The following POFUT3 variants were observed in gnomAD, a reference collection of about 807,000 sequenced individuals.
POFUT3 encodes GDP-fucose protein O-fucosyltransferase 3.
the POFUT3 span, among the ~76,000 whole-genome samples, chr8:33,331,106 G>A: frequency 6.6e-6 from 1 of 152,198 alleles, no homozygotes; most frequent in Non-Finnish European, 1.5e-5. Context: ...TTGGGATGCC[G>A]AGGCAGGTGG....
chr8:33,461,541 A>C, the POFUT3 span: 1 of 1,598,944 alleles, frequency 6.3e-7, no homozygotes, highest in Non-Finnish European at 8.5e-7. Context: ...CTTCACATGG[A>C]AGAACCATCT....
the POFUT3 span, among the ~76,000 whole-genome samples, chr8:33,411,855 G>A: frequency 1.2e-4 from 19 of 152,072 alleles, no homozygotes; most frequent in Admixed American, 6.6e-5. Flanking sequence ...TCTACAACAC[G>A]GTCTTAGGAC....
chr8:33,456,626 T>C, the POFUT3 span, among the ~76,000 whole-genome samples: 39 of 152,190 alleles, frequency 2.6e-4, no homozygotes, highest in Non-Finnish European at 2.5e-4. Context: ...GTAGGAAATA[T>C]GGCAGAATAA....
At chr8:33,389,137 C>T in the POFUT3 span, 1 of 1,614,182 alleles carries the variant, frequency 6.2e-7, no homozygotes, top group Admixed American at 1.7e-5. Context: ...AGGCCTCATA[C>T]AATCTGTCAT....
At chr8:33,387,090 G>T in the POFUT3 span, among the ~76,000 whole-genome samples, 3 of 151,724 alleles carry the variant, frequency 2.0e-5, no homozygotes, top group Non-Finnish European at 2.9e-5. Flanking sequence ...CACATGGGTG[G>T]GTGTGTGTGT....
the POFUT3 span, among the ~76,000 whole-genome samples, chr8:33,395,325 G>A: frequency 6.6e-6 from 1 of 152,278 alleles, no homozygotes; most frequent in Non-Finnish European, 1.5e-5. Flanking sequence ...GCAGAGCGGT[G>A]TGGCAGAAAA....
At chr8:33,335,356 A>C in the POFUT3 span, among the ~76,000 whole-genome samples, 1 of 152,186 alleles carries the variant, frequency 6.6e-6, no homozygotes, top group Non-Finnish European at 1.5e-5. Flanking sequence ...TGTTTTGACA[A>C]ACAGACTATG....
the POFUT3 span, among the ~76,000 whole-genome samples, chr8:33,347,441 T>A: frequency 6.6e-6 from 1 of 152,238 alleles, no homozygotes; most frequent in Non-Finnish European, 1.5e-5. Flanking sequence ...ACACGATGCA[T>A]TGAATTTGAG....
At chr8:33,434,806 C>T in the POFUT3 span, among the ~76,000 whole-genome samples, 2 of 152,180 alleles carry the variant, frequency 1.3e-5, no homozygotes, top group African/African-American at 2.4e-5. Flanking sequence ...GGCAGCTCCT[C>T]GCTCCCCGAG....
the POFUT3 span, among the ~76,000 whole-genome samples, chr8:33,380,050 C>CTATATATATACTATATATATAT: frequency 1.1e-3 from 53 of 48,724 alleles, 7 homozygotes; most frequent in African/African-American, 7.4e-3. Context: ...GATATATATA[C>CTATATATATACTATATATATAT]ACTATATATA....
the POFUT3 span, among the ~76,000 whole-genome samples, chr8:33,312,058 T>G: frequency 3.9e-5 from 6 of 151,954 alleles, no homozygotes; most frequent in African/African-American, 1.4e-4. Flanking sequence ...GGTTGGGAGT[T>G]CGAGACCAGC....
chr8:33,321,958 T>C, the POFUT3 span, among the ~76,000 whole-genome samples: 1 of 152,130 alleles, frequency 6.6e-6, no homozygotes, highest in Non-Finnish European at 1.5e-5. Context: ...TATGTCTCCA[T>C]GACTAGTTGC....
the POFUT3 span, among the ~76,000 whole-genome samples, chr8:33,318,955 C>T: frequency 2.5e-4 from 6 of 23,788 alleles, 1 homozygote; most frequent in Admixed American, 6.8e-4. Context: ...TTATATAATA[C>T]ATAAATATAT....
chr8:33,422,518 C>T, the POFUT3 span, among the ~76,000 whole-genome samples: 1 of 118,146 alleles, frequency 8.5e-6, no homozygotes, highest in Non-Finnish European at 1.6e-5. Flanking sequence ...GCACTCCAGC[C>T]TGGGCAACAA....
chr8:33,464,104 G>C, the POFUT3 span, among the ~76,000 whole-genome samples: 1 of 152,042 alleles, frequency 6.6e-6, no homozygotes, highest in African/African-American at 2.4e-5. Flanking sequence ...AATTTTATGA[G>C]CTATGATTGG....
chr8:33,461,180 A>ACTGTGTC, the POFUT3 span, among the ~76,000 whole-genome samples: 50 of 40,742 alleles, frequency 1.2e-3, no homozygotes, highest in Non-Finnish European at 2.1e-3. Flanking sequence ...GTCGGAAGGA[A>ACTGTGTC]GGAAGGAAGG....
the POFUT3 span, among the ~76,000 whole-genome samples, chr8:33,309,594 G>T: frequency 6.6e-6 from 1 of 152,074 alleles, no homozygotes. Context: ...CCTCATCCAT[G>T]CAGTCAGATG....
chr8:33,364,440 A>G, the POFUT3 span, among the ~76,000 whole-genome samples: 1 of 152,152 alleles, frequency 6.6e-6, no homozygotes, highest in African/African-American at 2.4e-5. Flanking sequence ...GGCAAGAGAA[A>G]GAAATAAAGG....
the POFUT3 span, among the ~76,000 whole-genome samples, chr8:33,383,909 C>T: frequency 1.3e-5 from 2 of 151,672 alleles, no homozygotes; most frequent in Non-Finnish European, 2.9e-5. Context: ...CCATCATAAT[C>T]CCCACCACCA....
Sources: allele counts gnomAD v4.1 joint callset (sites outside exome capture counted in the v4.1 genomes callset), GRCh38; gene constraint gnomAD v4.1.1; transcripts MANE v1.5; gene names NCBI Gene and HGNC (gene_info 2026-07-23, HGNC 2026-07-21).